The following ZBTB20 variants were observed in gnomAD, a reference collection of about 807,000 sequenced individuals.
The protein encoded by ZBTB20 is zinc finger and BTB domain containing 20.
Under a neutral mutation model 56.9 loss-of-function variants are expected in ZBTB20, and 9 were observed. The observed-to-expected ratio is 0.16, with a 90% CI of 0.10 to 0.28. The LOEUF is 0.28. ZBTB20 is among the 10% of genes least tolerant of loss of function. The pLI, the probability that ZBTB20 is intolerant of heterozygous loss-of-function variation, is 1.00. For missense variants in ZBTB20, 655 were observed against 1,003.0 expected (o/e 0.65, Z 4.69); for synonymous variants, 417 against 420.7 (o/e 0.99, Z 0.11).
intron 2 of ZBTB20, among the ~76,000 whole-genome samples, chr3:114,978,940 C>T (rs113055118): frequency 4.6e-4 from 69 of 151,248 alleles, no homozygotes; most frequent in African/African-American, 1.6e-3. Flanking sequence ...TTGAAAATGT[C>T]TATCTGTCAT....
intron 7 of ZBTB20, among the ~76,000 whole-genome samples, chr3:114,418,531 T>C (rs955922099): frequency 1.3e-5 from 2 of 151,742 alleles, no homozygotes; most frequent in Admixed American, 6.6e-5. Context: ...ATGGAATAGA[T>C]TTCAATAGAG....
At chr3:114,749,723 G>A (rs1412428720) in intron 5 of ZBTB20, among the ~76,000 whole-genome samples, 3 of 152,200 alleles carry the variant, frequency 2.0e-5, no homozygotes, top group Non-Finnish European at 4.4e-5. Flanking sequence ...AATGGAGAAA[G>A]GATGAACGTT....
chr3:114,957,859 T>C (rs1043837471), intron 3 of ZBTB20, among the ~76,000 whole-genome samples: 1 of 152,242 alleles, frequency 6.6e-6, no homozygotes, highest in African/African-American at 2.4e-5. Context: ...TCAGCTTTGA[T>C]AGCTCTTATC....
At chr3:114,810,408 C>T (rs2072433637) in intron 4 of ZBTB20, among the ~76,000 whole-genome samples, 1 of 152,108 alleles carries the variant, frequency 6.6e-6, no homozygotes, top group South Asian at 2.1e-4. Flanking sequence ...CTGTTTTGAC[C>T]ACACCTAAGG....
At chr3:114,789,199 CAT>C (rs1212639749) in intron 5 of ZBTB20, among the ~76,000 whole-genome samples, 10 of 152,130 alleles carry the variant, frequency 6.6e-5, no homozygotes, top group African/African-American at 2.2e-4. Flanking sequence ...ATTAGCTTAA[CAT>C]ATGTGTTTGT....
At chr3:114,773,761 C>A (rs1293409250) in intron 5 of ZBTB20, among the ~76,000 whole-genome samples, 1 of 152,114 alleles carries the variant, frequency 6.6e-6, no homozygotes, top group Non-Finnish European at 1.5e-5. Context: ...AAAGTCCAGG[C>A]AAATGTACCC....
intron 7 of ZBTB20, among the ~76,000 whole-genome samples, chr3:114,432,045 G>T (rs1056846815): frequency 6.6e-6 from 1 of 152,112 alleles, no homozygotes; most frequent in Non-Finnish European, 1.5e-5. Flanking sequence ...TATACAGACA[G>T]CAGAGAGAGG....
At chr3:114,671,076 C>A (rs542404698) in intron 6 of ZBTB20, among the ~76,000 whole-genome samples, 2 of 152,178 alleles carry the variant, frequency 1.3e-5, no homozygotes, top group African/African-American at 4.8e-5. Context: ...TGGAGAGGAA[C>A]GCTACATGGA....
chr3:114,984,082 T>C (rs1314599144), intron 2 of ZBTB20, among the ~76,000 whole-genome samples: 1 of 151,986 alleles, frequency 6.6e-6, no homozygotes, highest in Non-Finnish European at 1.5e-5. Context: ...CTGGTTTAAT[T>C]TGAACATGTC....
In ZBTB20 at chr3:114,323,856, C is replaced by G. The variant is rs2078977739; in HGVS notation, c.*15149G>C. On this transcript the variant is annotated 3_prime_UTR_variant, in exon 12 of 12. Transcript: ENST00000675478. ...ACTCTGCATTTTAGTGATGCTCCTA[C>G]TTCCATAATTTGCCTTTTTCTTTCC... 6.6e-6 allele frequency: 1 copy of G among 152,134 alleles called. No individual in the cohort carries two copies. Among genetic ancestry groups the G allele is most frequent in the Non-Finnish European group, 1.5e-5 (1 of 68,028 alleles). 9.4% of individuals were successfully genotyped at this position (152,134 alleles called of 1,614,324 possible).
intron 1 of ZBTB20, among the ~76,000 whole-genome samples, chr3:115,113,635 G>A (rs913079259): frequency 1.3e-5 from 2 of 152,240 alleles, no homozygotes; most frequent in Non-Finnish European, 2.9e-5. Context: ...TCCAGCAGCT[G>A]TTACAAGCAC....
intron 3 of ZBTB20, among the ~76,000 whole-genome samples, chr3:114,946,267 T>C (rs2076883927): frequency 6.9e-6 from 1 of 145,834 alleles, no homozygotes; most frequent in African/African-American, 2.8e-5. Flanking sequence ...CTGAGTCATA[T>C]AGCAAGCCTC....
intron 4 of ZBTB20, among the ~76,000 whole-genome samples, chr3:114,857,159 C>T (rs2075290732): frequency 6.6e-6 from 1 of 152,174 alleles, no homozygotes; most frequent in African/African-American, 2.4e-5. Context: ...CCCCATCCTC[C>T]ATTTTCATGC....
intron 5 of ZBTB20, among the ~76,000 whole-genome samples, chr3:114,694,950 C>T (rs1340945181): frequency 6.6e-6 from 1 of 151,996 alleles, no homozygotes; most frequent in Non-Finnish European, 1.5e-5. Flanking sequence ...TTCTTCTTAC[C>T]CTTTATTACT....
At position 114,321,024 on chromosome 3, in the gene ZBTB20, G is replaced by C. The variant is rs2107997104; in HGVS notation, c.*17981C>G. The C allele has an allele frequency of 6.6e-6, 1 of 152,318 alleles. No homozygotes were observed. Among genetic ancestry groups the C allele is most frequent in the Non-Finnish European group, 1.5e-5 (1 of 68,038 alleles). The allele number at this position is 152,318 out of a possible 1,614,324, so 9.4% of individuals were successfully genotyped here. A position where few individuals can be genotyped will look rare whatever the true frequency, so the allele number is the denominator to read the frequency against. On this transcript the variant is annotated 3_prime_UTR_variant, in exon 12 of 12. Coordinates refer to ENST00000675478, the MANE Select transcript of ZBTB20 (RefSeq NM_001348800.3). Reference sequence around the variant, plus strand: ...CAAAATAAAGTGAACAGGTGGTTGAGCCAGCCAAAGCCTCCAAGTTATGTT... The same window carrying C: ...CAAAATAAAGTGAACAGGTGGTTGACCCAGCCAAAGCCTCCAAGTTATGTT...
At chr3:114,850,278 C>T (rs1272691524) in intron 4 of ZBTB20, among the ~76,000 whole-genome samples, 3 of 152,030 alleles carry the variant, frequency 2.0e-5, no homozygotes, top group Admixed American at 6.6e-5. Context: ...ATAATGGACC[C>T]GATTACAGGT....
At chr3:114,639,504 ACCACTT>A (rs2059442604) in intron 6 of ZBTB20, among the ~76,000 whole-genome samples, 2 of 144,236 alleles carry the variant, frequency 1.4e-5, no homozygotes, top group Non-Finnish European at 3.0e-5. Context: ...ATTTTTTTTT[ACCACTT>A]CCAGCCCGTA....
At chr3:114,348,559 G>A (rs1324809203) in intron 11 of ZBTB20, among the ~76,000 whole-genome samples, 2 of 152,162 alleles carry the variant, frequency 1.3e-5, no homozygotes, top group Non-Finnish European at 2.9e-5. Flanking sequence ...GAGTCACTCT[G>A]TTTATTTGGA....
intron 3 of ZBTB20, among the ~76,000 whole-genome samples, chr3:114,922,436 G>GA (rs200682311): frequency 8.7e-5 from 13 of 150,072 alleles, no homozygotes; most frequent in Middle Eastern, 3.4e-3. Flanking sequence ...AGCAAAAAAA[G>GA]AAAAAAAAAC....
Sources: allele counts gnomAD v4.1 joint callset (sites outside exome capture counted in the v4.1 genomes callset), GRCh38; gene constraint gnomAD v4.1.1; transcripts MANE v1.5; gene names NCBI Gene and HGNC (gene_info 2026-07-23, HGNC 2026-07-21).